CD96: variants seen among roughly 807,000 people sequenced by gnomAD.
CD96 encodes the protein CD96 molecule, also known as T-cell surface protein tactile.
A neutral mutation model predicts 71.3 loss-of-function variants in CD96; 70 were observed. The observed-to-expected ratio is 0.98, with a 90% CI of 0.81 to 1.20. The LOEUF (loss-of-function observed/expected upper bound fraction) is 1.20, where lower values mean the gene tolerates loss of function less well. CD96 is among the 50% of genes most tolerant of loss of function. CD96 has a pLI of 0.00. For missense variants in CD96, 742 were observed against 677.5 expected (o/e 1.10, Z -1.06); for synonymous variants, 248 against 233.0 (o/e 1.06, Z -0.59).
At chr3:111,568,404 A>C (rs1034881672) in intron 3 of CD96, among the ~76,000 whole-genome samples, 1 of 152,210 alleles carries the variant, frequency 6.6e-6, no homozygotes, top group Non-Finnish European at 1.5e-5. Flanking sequence ...TCTAATTATA[A>C]ATTTAAAAAA....
intron 14 of CD96, among the ~76,000 whole-genome samples, chr3:111,660,544 C>T (rs1206402698): frequency 6.6e-6 from 1 of 152,078 alleles, no homozygotes; most frequent in Non-Finnish European, 1.5e-5. Context: ...GAAGCAAAAA[C>T]AAGGCTGAAT....
intron 2 of CD96, 67 bp from the exon 3 acceptor site, chr3:111,567,456 T>C: frequency 1.4e-6 from 2 of 1,395,658 alleles, no homozygotes; most frequent in Non-Finnish European, 2.0e-6. Flanking sequence ...TTTTTGTCTC[T>C]TTGATAAAAA....
At chr3:111,559,067 T>G (rs1935239383) in intron 2 of CD96, among the ~76,000 whole-genome samples, 1 of 152,038 alleles carries the variant, frequency 6.6e-6, no homozygotes, top group African/African-American at 2.4e-5. Flanking sequence ...CCTTTATCAT[T>G]TTTTATTGTG....
chr3:111,584,538 T>C lies in CD96; in HGVS notation c.752-785T>C, dbSNP rs577795984. Among the ~76,000 whole-genome samples, 26 of 152,300 alleles carry C rather than the reference T, an allele frequency of 1.7e-4. 1 individual carries two copies. The South Asian group carries it at 5.0e-3, about 29-fold the overall frequency. On this transcript the variant is annotated intron_variant, in intron 4 of 13. Transcript: ENST00000352690. ...AGACTGGGAAGAAAAAGAAGTTTAA[T>C]TGGACTTACAGTTCCACATGGCTGG...
At chr3:111,597,182 T>A (rs890679764) in intron 5 of CD96, among the ~76,000 whole-genome samples, 1 of 152,212 alleles carries the variant, frequency 6.6e-6, no homozygotes, top group African/African-American at 2.4e-5. Flanking sequence ...GCTGGTCATA[T>A]GTAAAATATA....
intron 12 of CD96, among the ~76,000 whole-genome samples, chr3:111,646,540 T>TAAAAAAA (rs60291711): frequency 7.6e-6 from 1 of 132,318 alleles, no homozygotes; most frequent in African/African-American, 2.8e-5. Context: ...TACTGAAAAG[T>TAAAAAAA]AAAAAAAAAA....
At chr3:111,625,572 A>G (rs1297256079) in intron 10 of CD96, among the ~76,000 whole-genome samples, 2 of 152,066 alleles carry the variant, frequency 1.3e-5, no homozygotes, top group African/African-American at 4.8e-5. Context: ...ATTATTGATA[A>G]GAAAAAAAAT....
chr3:111,633,412 T>A (rs1939168460), intron 10 of CD96, among the ~76,000 whole-genome samples: 2 of 152,138 alleles, frequency 1.3e-5, no homozygotes, highest in Non-Finnish European at 2.9e-5. Context: ...TACCAAAATG[T>A]GGCACAAAGA....
chr3:111,553,255 C>T (rs1934812473), intron 2 of CD96, among the ~76,000 whole-genome samples: 2 of 151,206 alleles, frequency 1.3e-5, no homozygotes, highest in Non-Finnish European at 3.0e-5. Flanking sequence ...AGCTATATTA[C>T]ATTTGTTATT....
intron 5 of CD96, among the ~76,000 whole-genome samples, chr3:111,590,549 G>A (rs997329531): frequency 9.9e-5 from 15 of 152,176 alleles, no homozygotes; most frequent in African/African-American, 3.6e-4. Flanking sequence ...AAAGCATGAT[G>A]CCCCTCAGGC....
chr3:111,615,955 C>G (rs964759540), intron 8 of CD96, among the ~76,000 whole-genome samples: 1 of 152,094 alleles, frequency 6.6e-6, no homozygotes, highest in South Asian at 2.1e-4. Flanking sequence ...AAAAATTCTT[C>G]CCCCAAATAT....
chr3:111,549,092 G>T (rs1934561403), intron 2 of CD96, among the ~76,000 whole-genome samples: 1 of 152,082 alleles, frequency 6.6e-6, no homozygotes, highest in Non-Finnish European at 1.5e-5. Context: ...AATCAGAAAA[G>T]ACTTTCTTTA....
intron 2 of CD96, among the ~76,000 whole-genome samples, chr3:111,558,846 T>G (rs1178291275): frequency 1.3e-5 from 2 of 150,714 alleles, no homozygotes; most frequent in Admixed American, 1.3e-4. Context: ...CTGGACTCTT[T>G]TTGGTTGGTA....
intron 2 of CD96, among the ~76,000 whole-genome samples, chr3:111,559,261 G>T (rs1279368587): frequency 1.6e-5 from 2 of 127,764 alleles, no homozygotes; most frequent in East Asian, 4.6e-4. Flanking sequence ...TTTTGAATGT[G>T]TTTGCTCTTG....
At chr3:111,603,111 A>T (rs1270285121) in intron 7 of CD96, among the ~76,000 whole-genome samples, 5 of 152,102 alleles carry the variant, frequency 3.3e-5, no homozygotes, top group Non-Finnish European at 5.9e-5. Context: ...AATTCCCATG[A>T]TCCACAGTAA....
At chr3:111,608,561 T>C (rs1365752935) in intron 8 of CD96, among the ~76,000 whole-genome samples, 1 of 152,198 alleles carries the variant, frequency 6.6e-6, no homozygotes, top group Non-Finnish European at 1.5e-5. Context: ...TTTAAGACAC[T>C]GAGAGCTTAA....
chr3:111,661,742 C>T (rs150780839), intron 14 of CD96, among the ~76,000 whole-genome samples: 14 of 152,362 alleles, frequency 9.2e-5, no homozygotes, highest in Non-Finnish European at 1.5e-4. Context: ...AAGCTCCGCC[C>T]CTGTGATTCT....
rs774448719 is a variant in CD96 at position 111,600,836 on chromosome 3, AT to A, written c.1012del (p.Trp338GlyfsTer25). 4 of 1,613,044 alleles carry A rather than the reference AT, an allele frequency of 2.5e-6. No individual in the cohort carries two copies. In the South Asian group the frequency reaches 4.4e-5, roughly 18 times the overall value. On this transcript the variant is annotated frameshift_variant, in exon 7 of 14. Coordinates refer to ENST00000352690, the MANE Select transcript of CD96 (RefSeq NM_005816.5). LOFTEE classifies it high-confidence loss of function. ...NKPAQSDNLT[I>X]WCMALSPVPG... Reference sequence around the variant, plus strand: ...ACCAGCCCAATCAGACAACTTGACCATTTGGTGTATGGCTCTGTCTCCAGTC... The same window carrying A: ...ACCAGCCCAATCAGACAACTTGACCATTGGTGTATGGCTCTGTCTCCAGTC...
intron 3 of CD96, among the ~76,000 whole-genome samples, chr3:111,575,667 G>A (rs1202438735): frequency 6.6e-6 from 1 of 152,210 alleles, no homozygotes; most frequent in African/African-American, 2.4e-5. Flanking sequence ...AAGTTCTGGA[G>A]GCTGGGAAGT....
Sources: allele counts gnomAD v4.1 joint callset (sites outside exome capture counted in the v4.1 genomes callset), GRCh38; gene constraint gnomAD v4.1.1; transcripts MANE v1.5; gene names NCBI Gene and HGNC (gene_info 2026-07-23, HGNC 2026-07-21).